SH3YL1: variants seen among roughly 807,000 people sequenced by gnomAD.
The protein encoded by SH3YL1 is SH3 and SYLF domain containing 1, also known as SH3 domain-containing YSC84-like protein 1.
SH3YL1 carries 41 observed loss-of-function variants against 45.8 expected under a neutral mutation model. The observed-to-expected ratio is 0.89, with a 90% CI of 0.70 to 1.16. The LOEUF is 1.16. SH3YL1 is among the 50% of genes most tolerant of loss of function. The pLI is 0.00. For synonymous variants in SH3YL1, 152 were observed against 151.4 expected (o/e 1.00, Z -0.03); for missense variants, 389 against 409.6 (o/e 0.95, Z 0.43).
intron 9 of SH3YL1, among the ~76,000 whole-genome samples, chr2:221,090 TCCCACATCA>T (rs1380775183): frequency 6.6e-6 from 1 of 152,082 alleles, no homozygotes; most frequent in Non-Finnish European, 1.5e-5. Flanking sequence ...GCTACTCCTA[TCCCACATCA>T]CAGAATTTGA....
chr2:246,681 C>T (rs1558247075), intron 4 of SH3YL1, among the ~76,000 whole-genome samples: 1 of 151,858 alleles, frequency 6.6e-6, no homozygotes, highest in Non-Finnish European at 1.5e-5. Flanking sequence ...CACCAGAGGG[C>T]GATATTTTTG....
At chr2:221,797 CAA>C (rs1291343920) in intron 9 of SH3YL1, among the ~76,000 whole-genome samples, 1 of 150,836 alleles carries the variant, frequency 6.6e-6, no homozygotes, top group African/African-American at 2.4e-5. Context: ...ATGAAAATCA[CAA>C]GAGTGAGGCC....
chr2:264,063 G>C (rs916625742), upstream of SH3YL1: 1 of 1,353,878 alleles, frequency 7.4e-7, no homozygotes, highest in Non-Finnish European at 9.5e-7. Flanking sequence ...CGCGGACAAG[G>C]AGGCCCCAGC....
intron 2 of SH3YL1, among the ~76,000 whole-genome samples, chr2:250,567 C>T (rs1337826859): frequency 2.0e-5 from 3 of 152,180 alleles, no homozygotes; most frequent in Admixed American, 2.0e-4. Context: ...ATTTACGACA[C>T]AATAACACCT....
chr2:262,581 G>T, intron 1 of SH3YL1: 2 of 1,303,038 alleles, frequency 1.5e-6, no homozygotes, highest in Non-Finnish European at 1.0e-6. Flanking sequence ...AAAACTTCAT[G>T]TGCTTAGGTC....
chr2:238,259 T>TTGTGTGTGTG (rs3842546), intron 4 of SH3YL1, among the ~76,000 whole-genome samples: 45 of 141,860 alleles, frequency 3.2e-4, no homozygotes, highest in African/African-American at 1.1e-3. Context: ...TCCTCCCTCC[T>TTGTGTGTGTG]TGTGTGTGTG....
chr2:234,841 A>G (rs1307487691), intron 4 of SH3YL1, among the ~76,000 whole-genome samples: 2 of 152,290 alleles, frequency 1.3e-5, no homozygotes, highest in East Asian at 3.9e-4. Context: ...AAAGCAAAGC[A>G]GTTTCCATTA....
intron 8 of SH3YL1, among the ~76,000 whole-genome samples, chr2:229,646 G>A (rs376792410): frequency 4.8e-5 from 7 of 147,212 alleles, no homozygotes; most frequent in Admixed American, 4.1e-4. Flanking sequence ...GGAGAATGGC[G>A]TGAACCCGGG....
At chr2:264,798 C>G, upstream of SH3YL1, 1 of 736,928 alleles carries the variant, frequency 1.4e-6, no homozygotes, top group Non-Finnish European at 2.1e-6. Context: ...AGGACCGCCT[C>G]CGCAGGCGCA....
intron 9 of SH3YL1, among the ~76,000 whole-genome samples, chr2:221,258 G>C (rs1667561145): frequency 6.6e-6 from 1 of 152,166 alleles, no homozygotes; most frequent in Non-Finnish European, 1.5e-5. Context: ...ACTTTTATGA[G>C]GCAAATGTTC....
chr2:245,530 T>C (rs1558246278), intron 4 of SH3YL1, among the ~76,000 whole-genome samples: 1 of 152,194 alleles, frequency 6.6e-6, no homozygotes, highest in Non-Finnish European at 1.5e-5. Flanking sequence ...CAGAGACTCA[T>C]ATAAGGCTAT....
intron 1 of SH3YL1, among the ~76,000 whole-genome samples, chr2:257,084 TG>T (rs1395380413): frequency 6.6e-6 from 1 of 152,190 alleles, no homozygotes; most frequent in Non-Finnish European, 1.5e-5. Flanking sequence ...TTAACGGAGT[TG>T]TTTTTTTGCT....
intron 6 of SH3YL1, among the ~76,000 whole-genome samples, chr2:232,036 G>A (rs541618631): frequency 7.9e-5 from 12 of 151,938 alleles, no homozygotes; most frequent in Admixed American, 5.9e-4. Flanking sequence ...AGTGCCAGCC[G>A]ATCAAGCTGG....
At chr2:252,869 T>C (rs1296195824) in intron 2 of SH3YL1, 136 bp downstream of exon 2, 6 of 598,572 alleles carry the variant, frequency 1.0e-5, no homozygotes, top group Non-Finnish European at 1.8e-5. Flanking sequence ...AGAAAAAAGG[T>C]GGTGGAACAA....
intron 1 of SH3YL1, chr2:262,452 C>A: frequency 2.0e-6 from 1 of 495,846 alleles, no homozygotes; most frequent in Non-Finnish European, 3.2e-6. Context: ...TTATTTATTC[C>A]TGCCCTTCCT....
chr2:258,601 G>C (rs1433167102), intron 1 of SH3YL1, among the ~76,000 whole-genome samples: 7 of 152,194 alleles, frequency 4.6e-5, no homozygotes. Context: ...TTAGCAGGCA[G>C]TGAGTTACTT....
chr2:230,017 A>G lies in SH3YL1; in HGVS notation c.730T>C (p.Ser244Pro), dbSNP rs1328241304. Reference sequence around the variant, plus strand: ...GGTGCAGATGACTGCTGTGGTCTTGACAATGGCTTTGGAGGTAATTCTTTA... The same window carrying G: ...GGTGCAGATGACTGCTGTGGTCTTGGCAATGGCTTTGGAGGTAATTCTTTA... ...SAKELPPKPL[S>P]RPQQSSAPVQ... The change falls in exon 8 of 10, where the codon TCA (serine) becomes CCA (proline). Residue 244 changes from serine to proline, a missense_variant. Coordinates refer to ENST00000356150, the MANE Select transcript of SH3YL1 (RefSeq NM_015677.4). 5 of 1,610,224 alleles carry G rather than the reference A, an allele frequency of 3.1e-6. No individual in the cohort carries two copies. In the East Asian group the frequency reaches 8.9e-5, roughly 29 times the overall value.
rs1667466098 is a variant in SH3YL1 at position 218,961 on chromosome 2, T to G, written c.879A>C (p.Ser293=). Residue 293 remains serine, a synonymous_variant, in exon 10 of 10, where the codon TCA becomes TCC. Transcript: ENST00000356150. ...NQPIEVTALY[S]FEGQQPGDLN... is the part of the protein sequence containing the mutation. ...AATCCCCAGGCTGCTGTCCTTCAAA[T>G]GAATACAGCGCTGTCACTTCTATGG... 9.3e-6 allele frequency: 15 copies of G among 1,613,968 alleles called. No homozygotes were observed. Among genetic ancestry groups the G allele is most frequent in the Non-Finnish European group, 1.3e-5 (15 of 1,179,928 alleles).
intron 4 of SH3YL1, among the ~76,000 whole-genome samples, chr2:239,375 C>G (rs909696042): frequency 6.6e-6 from 1 of 152,240 alleles, no homozygotes; most frequent in Admixed American, 6.5e-5. Context: ...AGATGAAGAA[C>G]CTGGAGCAAA....
Sources: allele counts gnomAD v4.1 joint callset (sites outside exome capture counted in the v4.1 genomes callset), GRCh38; gene constraint gnomAD v4.1.1; transcripts MANE v1.5; gene names NCBI Gene and HGNC (gene_info 2026-07-23, HGNC 2026-07-21).